Variants in RAD51B observed in about 807,000 individuals in gnomAD.
RAD51B encodes RAD51 paralog B.
RAD51B carries 38 observed loss-of-function variants against 42.2 expected under a neutral mutation model. The observed-to-expected ratio is 0.90, with a 90% CI of 0.70 to 1.18. The LOEUF is 1.18. Ranked by LOEUF, RAD51B falls within the 50% of genes most tolerant of loss-of-function variation. The pLI is 0.00. For missense variants in RAD51B, 373 were observed against 400.7 expected (o/e 0.93, Z 0.59); for synonymous variants, 154 against 145.2 (o/e 1.06, Z -0.43).
chr14:68,516,012 C>T (rs1398119993), intron 10 of RAD51B, among the ~76,000 whole-genome samples: 1 of 151,862 alleles, frequency 6.6e-6, no homozygotes, highest in East Asian at 1.9e-4. Context: ...GTCTCGATCT[C>T]CTGACCTTGT....
chr14:68,622,159 G>A (rs1345739874), intron 10 of RAD51B, among the ~76,000 whole-genome samples: 1 of 152,230 alleles, frequency 6.6e-6, no homozygotes, highest in Non-Finnish European at 1.5e-5. Flanking sequence ...TTAGGCTGGA[G>A]GGACCTTGGC....
chr14:68,399,439 G>A (rs1026635830), intron 8 of RAD51B, among the ~76,000 whole-genome samples: 1 of 151,688 alleles, frequency 6.6e-6, no homozygotes, highest in Non-Finnish European at 1.5e-5. Flanking sequence ...TAGTAGTTTT[G>A]GTAGAGATGG....
At chr14:68,474,165 A>T (rs534151797) in intron 10 of RAD51B, among the ~76,000 whole-genome samples, 48 of 152,140 alleles carry the variant, frequency 3.2e-4, no homozygotes, top group African/African-American at 1.1e-3. Context: ...GTGCTTCTTG[A>T]TGTTTAGGTA....
chr14:68,032,227 C>T (rs2076058320), intron 7 of RAD51B, among the ~76,000 whole-genome samples: 1 of 152,036 alleles, frequency 6.6e-6, no homozygotes, highest in African/African-American at 2.4e-5. Flanking sequence ...AATAAAGGTC[C>T]TTGCATTATT....
chr14:68,631,486 G>A lies in RAD51B; in HGVS notation c.1037-19295G>A, dbSNP rs539654874. On this transcript the variant is annotated intron_variant, in intron 10 of 11. Transcript: ENST00000488612. ...ATCCCTTGGGGAGTCACTACAGCTC[G>A]GAAGCCGGGGACAGGCCTTTAGTTA... Among the ~76,000 whole-genome samples the A allele has an allele frequency of 6.6e-5, 10 of 152,292 alleles. No homozygotes were observed. In the East Asian group the frequency reaches 1.2e-3, roughly 18 times the overall value.
At chr14:68,075,914 G>C (rs34046453) in intron 7 of RAD51B, among the ~76,000 whole-genome samples, 1 of 152,204 alleles carries the variant, frequency 6.6e-6, no homozygotes, top group African/African-American at 2.4e-5. Flanking sequence ...GCAATGGCAG[G>C]GGGGCTGTCA....
At chr14:68,648,141 AT>A (rs1892620179) in intron 10 of RAD51B, among the ~76,000 whole-genome samples, 1 of 121,244 alleles carries the variant, frequency 8.2e-6, no homozygotes, top group Non-Finnish European at 1.8e-5. Context: ...ACGTATATAT[AT>A]ATATACACAC....
intron 7 of RAD51B, among the ~76,000 whole-genome samples, chr14:68,109,980 G>T (rs1595410232): frequency 6.6e-6 from 1 of 151,918 alleles, no homozygotes; most frequent in Admixed American, 6.6e-5. Flanking sequence ...CACACAGAGA[G>T]CCCTGGTTTT....
chr14:68,285,946 A>AT (rs1220585870), intron 7 of RAD51B, among the ~76,000 whole-genome samples: 1 of 152,250 alleles, frequency 6.6e-6, no homozygotes, highest in Non-Finnish European at 1.5e-5. Flanking sequence ...AGCGGAAGCC[A>AT]TTGACCTACT....
intron 9 of RAD51B, among the ~76,000 whole-genome samples, chr14:68,442,152 A>G (rs1021933467): frequency 1.3e-5 from 2 of 152,190 alleles, no homozygotes; most frequent in Non-Finnish European, 2.9e-5. Context: ...CGTAGTGTTA[A>G]TATATTCTAT....
intron 10 of RAD51B, chr14:68,497,442 G>A: frequency 1.4e-5 from 15 of 1,086,284 alleles, no homozygotes; most frequent in South Asian, 3.9e-5. Flanking sequence ...AACAGGAAAT[G>A]GGAATGAGAG....
At chr14:67,890,604 C>T (rs8003692) in intron 7 of RAD51B, among the ~76,000 whole-genome samples, 43,605 of 124,994 alleles carry the variant, frequency 0.35, 7,993 homozygotes, top group Middle Eastern at 0.47. Context: ...AGTGCTATCC[C>T]TCCCCCCTCC....
Position 67,903,511 on chromosome 14 carries a change from A to G in RAD51B, c.756+16307A>G, listed in dbSNP as rs147512248. On this transcript the variant is annotated intron_variant, in intron 7 of 10. Transcript: ENST00000471583. Reference sequence around the variant, plus strand: ...ACATATTTTTAAAAAGATCAACATTATAAGGTAGTAGATAGTAAGTATTAA... The same window carrying G: ...ACATATTTTTAAAAAGATCAACATTGTAAGGTAGTAGATAGTAAGTATTAA... 7.9e-5 allele frequency among the ~76,000 whole-genome samples: 12 copies of G among 152,350 alleles called. No individual in the cohort carries two copies. In the East Asian group the frequency reaches 2.3e-3, roughly 29 times the overall value.
Position 68,379,582 on chromosome 14 carries a change from G to C in RAD51B, c.854-31842G>C, listed in dbSNP as rs146187199. Among the ~76,000 whole-genome samples the C allele has an allele frequency of 8.5e-5, 13 of 152,300 alleles. No homozygotes were observed. The East Asian group carries it at 2.3e-3, about 27-fold the overall frequency. Reference sequence around the variant, plus strand: ...ATAGGGAGAAGAGAGGAATGACAGAGGTATGTGAAGATTAAGTAGAAAGAC... The same window carrying C: ...ATAGGGAGAAGAGAGGAATGACAGACGTATGTGAAGATTAAGTAGAAAGAC... On this transcript the variant is annotated intron_variant, in intron 8 of 10. Coordinates refer to ENST00000471583, the MANE Select transcript of RAD51B (RefSeq NM_133510.4).
chr14:68,068,001 G>A (rs1035258788), intron 7 of RAD51B, among the ~76,000 whole-genome samples: 12 of 146,786 alleles, frequency 8.2e-5, no homozygotes, highest in Non-Finnish European at 1.8e-4. Flanking sequence ...TGGGCTCTTA[G>A]AGAATGGGTC....
chr14:68,352,213 G>A (rs759871441), intron 8 of RAD51B, among the ~76,000 whole-genome samples: 5 of 152,166 alleles, frequency 3.3e-5, no homozygotes, highest in Non-Finnish European at 7.3e-5. Flanking sequence ...ATGAATAGAT[G>A]GTATTGGGTG....
intron 10 of RAD51B, among the ~76,000 whole-genome samples, chr14:68,643,072 C>CTTTA (rs1892495116): frequency 2.2e-5 from 2 of 92,304 alleles, no homozygotes; most frequent in Non-Finnish European, 2.5e-5. Context: ...CTGTTGTTGC[C>CTTTA]GGCTGGATCT....
intron 7 of RAD51B, among the ~76,000 whole-genome samples, chr14:68,085,433 G>A (rs1023236274): frequency 3.9e-5 from 6 of 152,168 alleles, no homozygotes; most frequent in African/African-American, 7.2e-5. Context: ...CTGAAGAGAG[G>A]AGGGACTGGA....
chr14:68,281,160 A>G (rs2081313621), intron 7 of RAD51B, among the ~76,000 whole-genome samples: 2 of 152,198 alleles, frequency 1.3e-5, no homozygotes, highest in African/African-American at 4.8e-5. Context: ...TATCATGGAA[A>G]AGGTAGGATT....
Sources: gnomAD v4.1 joint callset for allele counts (sites outside exome capture counted in the v4.1 genomes callset) on GRCh38, gnomAD v4.1.1 for gene constraint, MANE v1.5 for transcripts, NCBI Gene and HGNC (gene_info 2026-07-23, HGNC 2026-07-21) for gene names.